TSPOAP1: variants seen among roughly 807,000 people sequenced by gnomAD.
TSPOAP1 encodes peripheral-type benzodiazepine receptor-associated protein 1.
TSPOAP1 carries 87 observed loss-of-function variants against 197.0 expected under a neutral mutation model. That is an observed-to-expected ratio of 0.44 (90% CI 0.37 to 0.53). TSPOAP1 has a LOEUF of 0.53. Among genes scored for constraint, TSPOAP1 ranks in the 20% least tolerant of loss-of-function variants. TSPOAP1 has a pLI of 0.00. For synonymous variants in TSPOAP1, 913 were observed against 998.9 expected, an observed-to-expected ratio of 0.91 and a Z score of 1.62; for missense variants, 2,174 against 2,411.3, an observed-to-expected ratio of 0.90 and a Z score of 2.06.
Position 58,326,258 on chromosome 17 carries a change from C to T in TSPOAP1, c.570+35G>A, listed in dbSNP as rs376631937. The T allele has an allele frequency of 3.7e-6, 6 of 1,610,988 alleles. No homozygotes were observed. The highest frequency in any genetic ancestry group is 4.2e-6 in the Non-Finnish European group (5 of 1,178,406). ...AGCCCTGGCTCCCCTCTTCCTTGGT[C>T]ACCCAGCCTCCGCCCAGCAGCCTCC... On this transcript the variant is annotated intron_variant, in intron 3 of 31. Transcript: ENST00000343736. This position sits in a 1 kb window ranked among gnomAD's most constrained non-coding sequence, Gnocchi z 4.7.
Position 58,304,505 on chromosome 17 carries a change from C to T in TSPOAP1, c.5545-106G>A. 1 of 886,150 alleles carries T rather than the reference C, an allele frequency of 1.1e-6. No homozygotes were observed. Among genetic ancestry groups the T allele is most frequent in the Non-Finnish European group, 1.9e-6 (1 of 526,382 alleles). 54.9% of individuals were successfully genotyped at this position (886,150 alleles called of 1,614,324 possible). On this transcript the variant is annotated intron_variant, in intron 30 of 31. Transcript: ENST00000343736. This position sits in a 1 kb window ranked among gnomAD's most constrained non-coding sequence, Gnocchi z 4.2. ...CAGGGGTGGGCCCTACTCTCCAAGG[C>T]CTTTGTGTTCACACATGGAAGCCCT...
At chr17:58,327,463 C>T in intron 1 of TSPOAP1, 125 bp downstream of exon 1, 1 of 924,388 alleles carries the variant, frequency 1.1e-6, no homozygotes, top group Non-Finnish European at 1.6e-6. Flanking sequence ...GATGGACCCA[C>T]AGACAGGCCA....
intron 11 of TSPOAP1, 91 bp from the exon 12 acceptor site, chr17:58,320,220 T>C: frequency 1.4e-6 from 2 of 1,478,112 alleles, no homozygotes; most frequent in Non-Finnish European, 1.9e-6. Flanking sequence ...GGGGCCTAAG[T>C]GGATATCATC....
chr17:58,326,139 C>T lies in TSPOAP1; in HGVS notation c.570+154G>A, dbSNP rs941676022. On this transcript the variant is annotated intron_variant, in intron 3 of 31. Transcript: ENST00000343736. The surrounding 1 kb of genome is among the most constrained non-coding windows in gnomAD (Gnocchi z 4.7). ...CCTTTGGCCTCCTTGCCTGGCCAGC[C>T]TCTGCCCTTCCTGCACCTTAGCCCC... Among the ~76,000 whole-genome samples, 5 of 152,212 alleles carry T rather than the reference C, an allele frequency of 3.3e-5. No individual in the cohort carries two copies. The highest frequency in any genetic ancestry group is 7.3e-5 in the Non-Finnish European group (5 of 68,038).
chr17:58,301,614 C>A lies in TSPOAP1; in HGVS notation c.*866G>T, dbSNP rs923253533. 6.5e-6 allele frequency: 1 copy of A among 152,700 alleles called. No individual in the cohort carries two copies. Among genetic ancestry groups the A allele is most frequent in the African/African-American group, 2.4e-5 (1 of 41,450 alleles). The allele number at this position is 152,700 out of a possible 1,614,324, so 9.5% of individuals were successfully genotyped here. The stretch of plus-strand genomic sequence containing the variant: ...CAGGGTCTTTGGGGGCGGGACCTTA[C>A]AGGGGCCAGCAGGCCCCGGCAGGGA... On this transcript the variant is annotated 3_prime_UTR_variant, in exon 32 of 32. Transcript: ENST00000343736.
chr17:58,308,372 A>G (rs904550284), intron 22 of TSPOAP1, among the ~76,000 whole-genome samples, 169 bp downstream of exon 22: 1 of 152,182 alleles, frequency 6.6e-6, no homozygotes, highest in African/African-American at 2.4e-5. Flanking sequence ...CAGAAGCAGC[A>G]AAGCAGTGGA....
At chr17:58,315,781 T>C (rs934833089) in intron 16 of TSPOAP1, among the ~76,000 whole-genome samples, 1 of 152,168 alleles carries the variant, frequency 6.6e-6, no homozygotes, top group African/African-American at 2.4e-5. Flanking sequence ...TGTCCTGTCC[T>C]GCTTGGAGCC....
rs747277619 is a variant in TSPOAP1 at position 58,312,745 on chromosome 17, G to A, written c.2099-23C>T. ...CTCCTGGCAGGAGGAGGACAGGAAG[G>A]GGCAGGGCAGGGGAAGACAGAGAGG... On this transcript the variant is annotated intron_variant, in intron 16 of 31. Transcript: ENST00000343736. 2.8e-5 allele frequency: 45 copies of A among 1,598,340 alleles called. 1 individual carries two copies. The Admixed American group carries it at 7.6e-4, about 27-fold the overall frequency.
Position 58,326,548 on chromosome 17 carries a change from C to T in TSPOAP1, c.442-127G>A. On this transcript the variant is annotated intron_variant, in intron 2 of 31. Transcript: ENST00000343736. This position sits in a 1 kb window ranked among gnomAD's most constrained non-coding sequence, Gnocchi z 4.7. ...TCCTTGGCAACTCTAGGCAGGGGTT[C>T]ACCCTCTCTGGGTCTCAGGATTTTG... 6.5e-7 allele frequency: 1 copy of T among 1,540,112 alleles called. No homozygotes were observed. Among genetic ancestry groups the T allele is most frequent in the Non-Finnish European group, 8.8e-7 (1 of 1,133,004 alleles).
chr17:58,307,358 C>T (rs1333833845), intron 24 of TSPOAP1: 1 of 566,278 alleles, frequency 1.8e-6, no homozygotes, highest in East Asian at 2.9e-5. Flanking sequence ...ATTTAATCCA[C>T]AAAACACCCT....
rs375720179 is a variant in TSPOAP1, at chr17:58,326,723, C to T, written c.401G>A (p.Arg134Gln). 9.3e-6 allele frequency: 15 copies of T among 1,613,940 alleles called. No individual in the cohort carries two copies. Among genetic ancestry groups the T allele is most frequent in the Middle Eastern group, 1.6e-4 (1 of 6,084 alleles). ...LELLRALGEL[R>Q]QRCAILKEEN... ...CTCCTTAAGGATGGCACAGCGCTGC[C>T]GCAGCTCCCCCAGGGCCCTCAGCAG... The change falls in exon 2 of 32, where the codon CGG (arginine) becomes CAG (glutamine). Residue 134 changes from arginine (R) to glutamine (Q), a missense_variant. Coordinates refer to ENST00000343736, the MANE Select transcript of TSPOAP1 (RefSeq NM_004758.4). This position sits in a 1 kb window ranked among gnomAD's most constrained non-coding sequence, Gnocchi z 4.7.
Position 58,305,369 on chromosome 17 carries a change from C to T in TSPOAP1, c.5433+18G>A. 6.2e-7 allele frequency: 1 copy of T among 1,613,278 alleles called. No individual in the cohort carries two copies. Among genetic ancestry groups the T allele is most frequent in the Non-Finnish European group, 8.5e-7 (1 of 1,179,420 alleles). On this transcript the variant is annotated intron_variant, in intron 29 of 31. Transcript: ENST00000343736. ...GGGGGGCTGGGATATGGTACACCCT[C>T]CCCAACAATGTTCTCACATAGTAGA...
rs1326549990 is a variant in TSPOAP1 at position 58,308,845 on chromosome 17, C to T, written c.4427G>A (p.Cys1476Tyr). The T allele has an allele frequency of 1.9e-6, 3 of 1,610,618 alleles. No homozygotes were observed. The African/African-American group carries it at 4.0e-5, about 21-fold the overall frequency. Residue 1476 changes from cysteine to tyrosine, a missense_variant, in exon 22 of 32, where the codon TGC becomes TAC. Physicochemically the swap from Cys to Tyr is radical, Grantham distance 194. Coordinates refer to ENST00000343736, the MANE Select transcript of TSPOAP1 (RefSeq NM_004758.4). Reference protein sequence around the residue: ...GRGRLGPSRRCSRGRALEPGL... With the variant: ...GRGRLGPSRRYSRGRALEPGL... ...AGGCTCCAGCGCCCGGCCACGGGAGCACCTCCGGGAAGGGCCCAGCCGGCC... is the reference window on the plus strand; with the variant it reads ...AGGCTCCAGCGCCCGGCCACGGGAGTACCTCCGGGAAGGGCCCAGCCGGCC...
chr17:58,319,065 C>T (rs1237412441), intron 13 of TSPOAP1, 25 bp downstream of exon 13: 2 of 1,484,928 alleles, frequency 1.3e-6, no homozygotes, highest in Admixed American at 4.6e-5. Context: ...GGATTCCAGG[C>T]CAATGCCACT....
rs1004062149 is a variant in TSPOAP1 at position 58,324,350 on chromosome 17, G to A, written c.942+461C>T. 6.6e-6 allele frequency among the ~76,000 whole-genome samples: 1 copy of A among 152,178 alleles called. No homozygotes were observed. The highest frequency in any genetic ancestry group is 1.5e-5 in the Non-Finnish European group (1 of 68,014). ...TGCCTAAGCCCCCCGCTCAGTGAGG[G>A]TTGCCTGTACCTGGAGCCGGGGCGG... On this transcript the variant is annotated intron_variant, in intron 5 of 31. Transcript: ENST00000343736. This position sits in a 1 kb window ranked among gnomAD's most constrained non-coding sequence, Gnocchi z 5.8.
In TSPOAP1 at chr17:58,309,125, A is replaced by C; in HGVS notation, c.4147T>G (p.Ser1383Ala). 1 of 1,613,842 alleles carries C rather than the reference A, an allele frequency of 6.2e-7. No individual in the cohort carries two copies. The highest frequency in any genetic ancestry group is 8.5e-7 in the Non-Finnish European group (1 of 1,180,008). ...TCTCCAGCCCTGGAGGACTCAGGAGACAAGGGACACTGGCCAGGTCTTCGG... is the reference window on the plus strand; with the variant it reads ...TCTCCAGCCCTGGAGGACTCAGGAGCCAAGGGACACTGGCCAGGTCTTCGG... The part of the protein sequence containing the change: ...QPRRPGQCPL[S>A]PESSRAGDCL... The change falls in exon 22 of 32, where the codon TCT (serine) becomes GCT (alanine). Residue 1383 changes from serine to alanine, a missense_variant. This residue lies in a region of TSPOAP1 where 1,933 missense variants were observed against 2,139.0 expected (regional missense o/e 0.90). Transcript: ENST00000343736. The surrounding 1 kb of genome is among the most constrained non-coding windows in gnomAD (Gnocchi z 5.0).
Position 58,307,775 on chromosome 17 carries a change from T to C in TSPOAP1, c.4832-13A>G. On this transcript the variant is annotated splice_polypyrimidine_tract_variant and intron_variant, in intron 23 of 31. Transcript: ENST00000343736. The stretch of plus-strand genomic sequence containing the variant: ...CTCCTCGCAGGGACTGTGGAGACAG[T>C]GGAGAGGGCGGTGACGCAGCGAGCT... The C allele has an allele frequency of 6.2e-7, 1 of 1,613,994 alleles. No individual in the cohort carries two copies. The highest frequency in any genetic ancestry group is 8.5e-7 in the Non-Finnish European group (1 of 1,179,978).
chr17:58,302,363 G>C lies in TSPOAP1; in HGVS notation c.*117C>G. 1 of 1,289,182 alleles carries C rather than the reference G, an allele frequency of 7.8e-7. No individual in the cohort carries two copies. The highest frequency in any genetic ancestry group is 1.0e-6 in the Non-Finnish European group (1 of 988,662). The allele number at this position is 1,289,182 out of a possible 1,614,324, so 79.9% of individuals were successfully genotyped here. Reference sequence around the variant, plus strand: ...TCGCTTCTGCCCTGGGGCTCCCCACGTTCAATCCTGGGGGCGCTGCCAGAG... The same window carrying C: ...TCGCTTCTGCCCTGGGGCTCCCCACCTTCAATCCTGGGGGCGCTGCCAGAG... On this transcript the variant is annotated 3_prime_UTR_variant, in exon 32 of 32. Transcript: ENST00000343736.
rs1971038744 is a variant in TSPOAP1 at position 58,310,217 on chromosome 17, C to T, written c.3700-59G>A. 3.9e-6 allele frequency: 6 copies of T among 1,525,502 alleles called. No individual in the cohort carries two copies. The South Asian group carries it at 7.2e-5, about 18-fold the overall frequency. The allele number at this position is 1,525,502 out of a possible 1,614,324, so 94.5% of individuals were successfully genotyped here. A position where few individuals can be genotyped will look rare whatever the true frequency, so the allele number is the denominator to read the frequency against. On this transcript the variant is annotated intron_variant, in intron 20 of 31. Transcript: ENST00000343736. Reference sequence around the variant, plus strand: ...GACAGTGAGGGGGCACAGGGGGTTCCAGGCAGGGTCAGCCCCAGCCACAGT... The same window carrying T: ...GACAGTGAGGGGGCACAGGGGGTTCTAGGCAGGGTCAGCCCCAGCCACAGT...
Sources: gnomAD v4.1 joint callset for allele counts (sites outside exome capture counted in the v4.1 genomes callset) on GRCh38, gnomAD v4.1.1 for gene constraint, gnomAD v4.1.1 regional missense constraint, Gnocchi (gnomAD v3.1) non-coding constraint, MANE v1.5 for transcripts, NCBI Gene and HGNC (gene_info 2026-07-23, HGNC 2026-07-21) for gene names.